The following TMEM45A variants were observed in gnomAD, a reference collection of about 807,000 sequenced individuals.
TMEM45A encodes DNA polymerase-transactivated protein 4.
In TMEM45A, 25 loss-of-function variants were observed where a neutral mutation model predicts 32.0. The observed-to-expected ratio is 0.78, with a 90% confidence interval of 0.57 to 1.09. The LOEUF (loss-of-function observed/expected upper bound fraction) is 1.09, where lower values mean the gene tolerates loss of function less well. Among genes scored for constraint, TMEM45A ranks in the 50% least tolerant of loss-of-function variants. TMEM45A has a pLI of 0.00. For missense variants in TMEM45A, 302 were observed against 325.0 expected, an observed-to-expected ratio of 0.93 and a Z score of 0.54; for synonymous variants, 122 against 114.8, an observed-to-expected ratio of 1.06 and a Z score of -0.40.
chr3:100,513,418 T>C (rs1708202928), intron 1 of TMEM45A, among the ~76,000 whole-genome samples: 1 of 150,318 alleles, frequency 6.7e-6, no homozygotes, highest in South Asian at 2.1e-4. Context: ...TTTGACAAAA[T>C]TCAACAACCC....
At chr3:100,545,077 A>G (rs1705957789) in intron 1 of TMEM45A, among the ~76,000 whole-genome samples, 1 of 152,220 alleles carries the variant, frequency 6.6e-6, no homozygotes, top group Non-Finnish European at 1.5e-5. Flanking sequence ...ATCCCAAATG[A>G]CTAATGATCT....
At chr3:100,519,780 C>T (rs1002729363) in intron 1 of TMEM45A, among the ~76,000 whole-genome samples, 1 of 152,206 alleles carries the variant, frequency 6.6e-6, no homozygotes, top group Non-Finnish European at 1.5e-5. Context: ...TAGCCTAATG[C>T]TGATGATTCT....
chr3:100,555,782 T>G (rs1206346497), intron 2 of TMEM45A, among the ~76,000 whole-genome samples: 1 of 152,182 alleles, frequency 6.6e-6, no homozygotes, highest in Non-Finnish European at 1.5e-5. Flanking sequence ...AAAGATAAAA[T>G]TTCCAGTTTT....
At chr3:100,501,942 T>C (rs774614077) in intron 1 of TMEM45A, among the ~76,000 whole-genome samples, 1 of 152,248 alleles carries the variant, frequency 6.6e-6, no homozygotes, top group Non-Finnish European at 1.5e-5. Context: ...ACTTTTAATT[T>C]ATCTTAAATT....
intron 1 of TMEM45A, among the ~76,000 whole-genome samples, chr3:100,522,365 G>C (rs187457767): frequency 6.6e-6 from 1 of 152,108 alleles, no homozygotes; most frequent in African/African-American, 2.4e-5. Flanking sequence ...ACTTACTCTT[G>C]TGCATTTTGT....
intron 4 of TMEM45A, among the ~76,000 whole-genome samples, chr3:100,564,521 G>A (rs964355839): frequency 1.3e-5 from 2 of 151,516 alleles, no homozygotes; most frequent in African/African-American, 4.9e-5. Context: ...TGTGGCCCAG[G>A]CTGTGGGCCA....
chr3:100,566,843 G>T (rs963335294), intron 4 of TMEM45A, among the ~76,000 whole-genome samples: 3 of 151,848 alleles, frequency 2.0e-5, no homozygotes, highest in Non-Finnish European at 2.9e-5. Flanking sequence ...AAAATTTTTT[G>T]TTGTTGTTAA....
At chr3:100,567,912 G>C (rs1706476495) in intron 4 of TMEM45A, among the ~76,000 whole-genome samples, 1 of 152,064 alleles carries the variant, frequency 6.6e-6, no homozygotes, top group Admixed American at 6.5e-5. Flanking sequence ...AGCCTCCCGA[G>C]TAGCTGGGAC....
At chr3:100,568,586 G>A (rs74413079) in intron 4 of TMEM45A, among the ~76,000 whole-genome samples, 8,692 of 152,224 alleles carry the variant, frequency 0.057, 826 homozygotes, top group African/African-American at 0.2. Context: ...CAAGATGACT[G>A]TTTATATTTT....
chr3:100,545,668 G>A (rs1424885313), intron 1 of TMEM45A, among the ~76,000 whole-genome samples: 4 of 152,138 alleles, frequency 2.6e-5, no homozygotes, highest in African/African-American at 7.2e-5. Flanking sequence ...ATTAAATGAA[G>A]GGGCTCAGCA....
At chr3:100,513,795 A>G (rs1477302182) in intron 1 of TMEM45A, among the ~76,000 whole-genome samples, 16 of 152,230 alleles carry the variant, frequency 1.1e-4, no homozygotes, top group Admixed American at 1.3e-4. Flanking sequence ...ATACAAAATC[A>G]ATGTGCAAAA....
intron 5 of TMEM45A, among the ~76,000 whole-genome samples, chr3:100,575,625 C>A (rs1408687370): frequency 1.3e-5 from 2 of 152,190 alleles, no homozygotes; most frequent in African/African-American, 4.8e-5. Context: ...GCCCGCCTTG[C>A]CTCCCACAGT....
chr3:100,519,428 G>T, intron 1 of TMEM45A: 1 of 712,938 alleles, frequency 1.4e-6, no homozygotes, highest in South Asian at 1.7e-5. Context: ...ACTGTAAGAT[G>T]TCAAGTTTCA....
intron 1 of TMEM45A, among the ~76,000 whole-genome samples, chr3:100,517,049 T>C (rs66791174): frequency 0.18 from 27,846 of 152,136 alleles, 2,751 homozygotes; most frequent in East Asian, 0.28. Context: ...TTCCTTTGCA[T>C]GTGTTCTCAA....
intron 1 of TMEM45A, among the ~76,000 whole-genome samples, chr3:100,523,981 A>G (rs915862580): frequency 1.1e-4 from 17 of 152,240 alleles, no homozygotes; most frequent in Admixed American, 7.2e-4. Context: ...CTAATGGGCA[A>G]CAGTAGCTAA....
intron 1 of TMEM45A, among the ~76,000 whole-genome samples, chr3:100,499,734 G>A (rs1450941405): frequency 6.6e-6 from 1 of 152,102 alleles, no homozygotes; most frequent in Non-Finnish European, 1.5e-5. Flanking sequence ...AAAATTAGCT[G>A]GGTGTGGTGG....
intron 4 of TMEM45A, among the ~76,000 whole-genome samples, chr3:100,567,537 A>AAAAAAAAC (rs1706468527): frequency 1.3e-5 from 2 of 151,186 alleles, no homozygotes; most frequent in African/African-American, 2.4e-5. Context: ...AAAAAAAAAA[A>AAAAAAAAC]AAAAGAACAT....
intron 1 of TMEM45A, among the ~76,000 whole-genome samples, chr3:100,508,928 A>G (rs1708115937): frequency 6.6e-6 from 1 of 152,220 alleles, no homozygotes; most frequent in African/African-American, 2.4e-5. Flanking sequence ...TATGATTAAG[A>G]CCTCAAAAGC....
chr3:100,575,124 C>T (rs946683466), intron 5 of TMEM45A, among the ~76,000 whole-genome samples: 1 of 152,138 alleles, frequency 6.6e-6, no homozygotes, highest in African/African-American at 2.4e-5. Flanking sequence ...GGTGATTTGG[C>T]TTATCAAATT....
Sources: allele counts gnomAD v4.1 joint callset (sites outside exome capture counted in the v4.1 genomes callset), GRCh38; gene constraint gnomAD v4.1.1; transcripts MANE v1.5; gene names NCBI Gene and HGNC (gene_info 2026-07-23, HGNC 2026-07-21).